The following NPSR1 variants were observed in gnomAD, a reference collection of about 807,000 sequenced individuals.
The protein encoded by NPSR1 is neuropeptide S receptor.
NPSR1 carries 48 observed loss-of-function variants against 46.9 expected under a neutral mutation model. The observed-to-expected ratio is 1.02, with a 90% CI of 0.81 to 1.30. The LOEUF is 1.30. NPSR1 is among the 50% of genes most tolerant of loss of function. The pLI is 0.00. For missense variants in NPSR1, 450 were observed against 449.5 expected (o/e 1.00, Z -0.01); for synonymous variants, 176 against 168.1 (o/e 1.05, Z -0.36).
chr7:34,680,971 A>G (rs1792600766), intron 1 of NPSR1, among the ~76,000 whole-genome samples: 1 of 151,508 alleles, frequency 6.6e-6, no homozygotes, highest in Non-Finnish European at 1.5e-5. Flanking sequence ...GTTGGTAATA[A>G]TTATATGGGC....
intron 6 of NPSR1, among the ~76,000 whole-genome samples, chr7:34,839,494 G>T (rs977172645): frequency 1.3e-5 from 2 of 152,152 alleles, no homozygotes; most frequent in Non-Finnish European, 2.9e-5. Context: ...CAGTTTCCTT[G>T]CTACCTGCTG....
intron 1 of NPSR1, among the ~76,000 whole-genome samples, chr7:34,665,156 T>TG (rs1188683724): frequency 6.6e-6 from 1 of 152,212 alleles, no homozygotes; most frequent in Non-Finnish European, 1.5e-5. Context: ...GAGCTGATTT[T>TG]GGTCTGGATA....
intron 4 of NPSR1, among the ~76,000 whole-genome samples, chr7:34,818,406 A>C (rs555096136): frequency 1.3e-5 from 2 of 152,204 alleles, no homozygotes; most frequent in Non-Finnish European, 2.9e-5. Context: ...CCACTGCGCA[A>C]GGAAATAAAA....
At chr7:34,678,827 AAAAAAAG>A (rs1297699295) in intron 1 of NPSR1, among the ~76,000 whole-genome samples, 1 of 151,998 alleles carries the variant, frequency 6.6e-6, no homozygotes, top group Non-Finnish European at 1.5e-5. Flanking sequence ...CTCTGTCTCA[AAAAAAAG>A]AAAAAAGAAA....
At chr7:34,864,627 T>C (rs1305795786) in intron 8 of NPSR1, among the ~76,000 whole-genome samples, 5 of 151,936 alleles carry the variant, frequency 3.3e-5, no homozygotes, top group Non-Finnish European at 7.3e-5. Context: ...ATCCAACTGC[T>C]TTGTTATATT....
chr7:34,874,525 G>A (rs973214342), intron 8 of NPSR1, among the ~76,000 whole-genome samples: 12 of 152,116 alleles, frequency 7.9e-5, no homozygotes, highest in Admixed American at 2.6e-4. Context: ...CTGGAATTGC[G>A]CAAGGGCCGC....
chr7:34,792,753 G>A (rs1248390942), intron 3 of NPSR1, among the ~76,000 whole-genome samples: 16 of 130,870 alleles, frequency 1.2e-4, no homozygotes, highest in African/African-American at 4.5e-4. Flanking sequence ...CATGGTGGGT[G>A]TGTGTCTGTA....
At chr7:34,662,006 T>G (rs1191832020) in intron 1 of NPSR1, among the ~76,000 whole-genome samples, 1 of 152,188 alleles carries the variant, frequency 6.6e-6, no homozygotes, top group Non-Finnish European at 1.5e-5. Flanking sequence ...GCTGGTGAAT[T>G]CACCAGCAAT....
intron 1 of NPSR1, among the ~76,000 whole-genome samples, chr7:34,682,688 A>G (rs1447428958): frequency 6.6e-6 from 1 of 152,226 alleles, no homozygotes; most frequent in African/African-American, 2.4e-5. Context: ...ACTGTTGTCC[A>G]TCTATCTCAA....
chr7:34,707,069 A>G (rs1442537154), intron 2 of NPSR1, among the ~76,000 whole-genome samples: 3 of 152,214 alleles, frequency 2.0e-5, no homozygotes, highest in Non-Finnish European at 4.4e-5. Flanking sequence ...CTCCCAGTAA[A>G]GCTTTTTCTT....
intron 1 of NPSR1, among the ~76,000 whole-genome samples, chr7:34,668,040 T>C (rs1583767780): frequency 1.3e-5 from 2 of 152,084 alleles, no homozygotes; most frequent in East Asian, 3.9e-4. Flanking sequence ...TCATGCCCTC[T>C]GGACAGAGTC....
intron 1 of NPSR1, among the ~76,000 whole-genome samples, chr7:34,662,866 C>G (rs1791524944): frequency 6.6e-6 from 1 of 152,156 alleles, no homozygotes; most frequent in African/African-American, 2.4e-5. Context: ...AAAAGGAAAT[C>G]TTCCTCAGCT....
At chr7:34,665,478 C>CCTTGGG (rs1247408679) in intron 1 of NPSR1, among the ~76,000 whole-genome samples, 4 of 152,200 alleles carry the variant, frequency 2.6e-5, no homozygotes, top group Admixed American at 1.3e-4. Context: ...AAACCCAAAT[C>CCTTGGG]CTTGGGCCTG....
chr7:34,744,551 T>C (rs1450795595), intron 2 of NPSR1, among the ~76,000 whole-genome samples: 1 of 152,330 alleles, frequency 6.6e-6, no homozygotes. Context: ...TGAATGCAGA[T>C]GGCTGGACTT....
In NPSR1 at chr7:34,827,633, G is replaced by C. The variant is rs201273769; in HGVS notation, c.680+31G>C. 1.5e-4 allele frequency: 194 copies of C among 1,286,252 alleles called. No homozygotes were observed. In the East Asian group the frequency reaches 2.7e-3, roughly 18 times the overall value. 79.7% of individuals were successfully genotyped at this position (1,286,252 alleles called of 1,614,324 possible). On this transcript the variant is annotated intron_variant, in intron 5 of 8. Transcript: ENST00000360581. ...AAGCCGTCAGGACAGGACCACACGG[G>C]GGGGTGGGGCGGGGGGGGCTTTCCT...
chr7:34,666,806 T>C (rs1340354719), intron 1 of NPSR1, among the ~76,000 whole-genome samples: 1 of 152,074 alleles, frequency 6.6e-6, no homozygotes, highest in African/African-American at 2.4e-5. Context: ...CTGCCCATGG[T>C]TTTTGTCTTG....
intron 2 of NPSR1, among the ~76,000 whole-genome samples, chr7:34,713,169 A>G (rs1783387763): frequency 6.6e-6 from 1 of 152,234 alleles, no homozygotes; most frequent in Non-Finnish European, 1.5e-5. Flanking sequence ...TGGTTCCTAC[A>G]GTATACAGAA....
intron 2 of NPSR1, among the ~76,000 whole-genome samples, chr7:34,707,923 T>C (rs987722916): frequency 5.9e-5 from 9 of 152,238 alleles, no homozygotes; most frequent in African/African-American, 2.2e-4. Flanking sequence ...TTTTGAGGCC[T>C]TTCTCATTGG....
At chr7:34,846,335 G>A (rs1254964311) in intron 7 of NPSR1, among the ~76,000 whole-genome samples, 2 of 152,014 alleles carry the variant, frequency 1.3e-5, no homozygotes, top group African/African-American at 4.8e-5. Flanking sequence ...AGCAAATATT[G>A]ACAGCCCTAC....
Sources: gnomAD v4.1 joint callset for allele counts (sites outside exome capture counted in the v4.1 genomes callset) on GRCh38, gnomAD v4.1.1 for gene constraint, MANE v1.5 for transcripts, NCBI Gene and HGNC (gene_info 2026-07-23, HGNC 2026-07-21) for gene names.